Variants in LUZP2 observed in about 807,000 individuals in gnomAD.
LUZP2 encodes the protein leucine zipper protein 2.
A neutral mutation model predicts 51.6 loss-of-function variants in LUZP2; 52 were observed. The observed-to-expected ratio is 1.01, with a 90% CI of 0.81 to 1.27. The LOEUF is 1.27. Ranked by LOEUF, LUZP2 falls within the 50% of genes most tolerant of loss-of-function variation. The pLI, the probability that LUZP2 is intolerant of heterozygous loss-of-function variation, is 0.00. For synonymous variants in LUZP2, 154 were observed against 137.3 expected (o/e 1.12, Z -0.85); for missense variants, 436 against 395.4 (o/e 1.10, Z -0.87).
intron 5 of LUZP2, among the ~76,000 whole-genome samples, chr11:24,876,456 T>C (rs1450553353): frequency 2.7e-5 from 4 of 149,142 alleles, no homozygotes; most frequent in African/African-American, 9.9e-5. Flanking sequence ...CATTGATCTA[T>C]ATCTCTATTT....
chr11:24,787,997 CT>C (rs1011629462), intron 5 of LUZP2, among the ~76,000 whole-genome samples: 21 of 151,854 alleles, frequency 1.4e-4, no homozygotes, highest in Admixed American at 1.4e-3. Flanking sequence ...TCCCCGTAAA[CT>C]TTTTTGTAAA....
intron 1 of LUZP2, among the ~76,000 whole-genome samples, chr11:24,728,409 C>T (rs1402490613): frequency 6.6e-6 from 1 of 151,952 alleles, no homozygotes; most frequent in Non-Finnish European, 1.5e-5. Context: ...GCCTGCCTCC[C>T]CTGCTTCTGC....
intron 1 of LUZP2, among the ~76,000 whole-genome samples, chr11:24,543,889 G>C (rs1255585203): frequency 6.7e-6 from 1 of 149,032 alleles, no homozygotes; most frequent in Admixed American, 6.7e-5. Context: ...CTATATTTAG[G>C]TATTGTTAAA....
intron 1 of LUZP2, among the ~76,000 whole-genome samples, chr11:24,574,983 G>A (rs945359719): frequency 6.6e-6 from 1 of 152,262 alleles, no homozygotes; most frequent in African/African-American, 2.4e-5. Context: ...TTTGAGGGGA[G>A]AGTTGAGGTT....
chr11:24,848,062 A>G (rs1485109040), intron 5 of LUZP2, among the ~76,000 whole-genome samples: 2 of 152,096 alleles, frequency 1.3e-5, no homozygotes, highest in Non-Finnish European at 2.9e-5. Flanking sequence ...AGGAGAGAGT[A>G]TCTTGGGTTT....
chr11:25,076,207 C>T (rs10834599), intron 10 of LUZP2, among the ~76,000 whole-genome samples: 145,970 of 151,958 alleles, frequency 0.96, 70,213 homozygotes, highest in South Asian at 0.99. Flanking sequence ...TTCTTGTTTT[C>T]GTTTTTGTTT....
intron 1 of LUZP2, among the ~76,000 whole-genome samples, chr11:24,571,335 A>G (rs527245738): frequency 1.5e-4 from 22 of 148,024 alleles, no homozygotes; most frequent in African/African-American, 5.3e-4. Context: ...CTCCTTGTCC[A>G]GACAGCTCTT....
chr11:24,772,185 T>TA lies in LUZP2; in HGVS notation c.396+8885dup, dbSNP rs368342728. On this transcript the variant is annotated intron_variant, in intron 5 of 11. Transcript: ENST00000336930. ...TCTCAGAAGAAGTCCTTGACTAAAA[T>TA]AAAAAAAACAATAAAGGTCAATAAC... is the stretch of plus-strand genomic sequence containing the variant. 1.5e-3 allele frequency among the ~76,000 whole-genome samples: 223 copies of TA among 151,832 alleles called. 1 individual carries two copies. Among genetic ancestry groups the TA allele is most frequent in the Admixed American group, 2.0e-3 (31 of 15,232 alleles).
At chr11:24,963,033 A>C (rs1855463938) in intron 7 of LUZP2, among the ~76,000 whole-genome samples, 1 of 152,028 alleles carries the variant, frequency 6.6e-6, no homozygotes, top group South Asian at 2.1e-4. Context: ...TCCACTCCAG[A>C]CCCTGTTTGC....
rs562982824 is a variant in LUZP2, at chr11:24,853,872, G to A, written c.397-52119G>A. On this transcript the variant is annotated intron_variant, in intron 5 of 11. Transcript: ENST00000336930. ...TGTTTGTTAGTTTTCCTTCTAACAG[G>A]CCCCTCAGCTACAGGTCTGTTGGAG... Among the ~76,000 whole-genome samples, 5 of 152,170 alleles carry A rather than the reference G, an allele frequency of 3.3e-5. No individual in the cohort carries two copies. The South Asian group carries it at 1.0e-3, about 32-fold the overall frequency.
At chr11:25,025,068 G>C (rs1379322241) in intron 9 of LUZP2, among the ~76,000 whole-genome samples, 1 of 152,126 alleles carries the variant, frequency 6.6e-6, no homozygotes, top group Non-Finnish European at 1.5e-5. Context: ...TTTAATAAAT[G>C]ATGCTGGGTA....
At chr11:24,661,009 G>A (rs1221015809) in intron 1 of LUZP2, among the ~76,000 whole-genome samples, 2 of 152,036 alleles carry the variant, frequency 1.3e-5, no homozygotes, top group African/African-American at 4.8e-5. Flanking sequence ...GCCGTACATT[G>A]CTCAGTAATT....
At chr11:24,577,174 G>A (rs1280998778) in intron 1 of LUZP2, among the ~76,000 whole-genome samples, 1 of 151,536 alleles carries the variant, frequency 6.6e-6, no homozygotes, top group African/African-American at 2.4e-5. Flanking sequence ...TGCCTAAAAT[G>A]ATAACACTTC....
At chr11:24,556,128 G>C (rs1027667215) in intron 1 of LUZP2, among the ~76,000 whole-genome samples, 2 of 152,118 alleles carry the variant, frequency 1.3e-5, no homozygotes, top group African/African-American at 4.8e-5. Context: ...CTGAATTCTA[G>C]TTTCAGTGGC....
At position 24,710,058 on chromosome 11, in the gene LUZP2, T is replaced by A. The variant is rs7930521; in HGVS notation, c.63-19111T>A. On this transcript the variant is annotated intron_variant, in intron 1 of 11. Coordinates refer to ENST00000336930, the MANE Select transcript of LUZP2 (RefSeq NM_001009909.4). ...CCTTTTTATTTGCCCTCAACTTAAC[T>A]ATAATTATCATTTGCTGGAACCAGA... is the stretch of plus-strand genomic sequence containing the variant. Among the ~76,000 whole-genome samples the A allele has an allele frequency of 8.5e-3, 1,293 of 152,280 alleles. 16 individuals are homozygous for A. The highest frequency in any genetic ancestry group is 0.03 in the African/African-American group (1,250 of 41,566).
At chr11:24,952,609 A>G (rs191415874) in intron 7 of LUZP2, among the ~76,000 whole-genome samples, 4 of 151,844 alleles carry the variant, frequency 2.6e-5, no homozygotes, top group Admixed American at 2.6e-4. Flanking sequence ...GAAGTGAGAG[A>G]TTCGAAAATG....
chr11:24,884,919 T>C (rs892048714), intron 5 of LUZP2, among the ~76,000 whole-genome samples: 10 of 152,086 alleles, frequency 6.6e-5, no homozygotes, highest in Non-Finnish European at 1.3e-4. Context: ...TCTCACAAAA[T>C]TGATTTTAGG....
At chr11:24,816,036 C>T (rs1488370485) in intron 5 of LUZP2, among the ~76,000 whole-genome samples, 5 of 150,574 alleles carry the variant, frequency 3.3e-5, no homozygotes, top group South Asian at 2.1e-4. Context: ...TTTTATCACC[C>T]GGCTACTTTT....
At position 24,660,800 on chromosome 11, in the gene LUZP2, A is replaced by AT. The variant is rs200270885; in HGVS notation, c.63-68359dup. On this transcript the variant is annotated intron_variant, in intron 1 of 11. Transcript: ENST00000336930. ...CAATTAGGTGATTTTTCCAAACCTT[A>AT]TTTTTTTTTTACTTAGACCACTTTC... Among the ~76,000 whole-genome samples the AT allele has an allele frequency of 7.8e-3, 1,174 of 149,618 alleles. 30 individuals are homozygous for AT. In the East Asian group the frequency reaches 0.083, roughly 11 times the overall value.
Sources: allele counts gnomAD v4.1 joint callset (sites outside exome capture counted in the v4.1 genomes callset), GRCh38; gene constraint gnomAD v4.1.1; transcripts MANE v1.5; gene names NCBI Gene and HGNC (gene_info 2026-07-23, HGNC 2026-07-21).